LRMDA: variants seen among roughly 807,000 people sequenced by gnomAD.
The protein encoded by LRMDA is leucine-rich melanocyte differentiation-associated protein.
In LRMDA, 18 loss-of-function variants were observed where a neutral mutation model predicts 29.8. The observed-to-expected ratio is 0.60, with a 90% CI of 0.42 to 0.90. LRMDA has a LOEUF of 0.90. Ranked by LOEUF, LRMDA falls within the 40% of genes least tolerant of loss-of-function variation. The pLI, the probability that LRMDA is intolerant of heterozygous loss-of-function variation, is 0.00. For missense variants in LRMDA, 273 were observed against 273.9 expected (o/e 1.00, Z 0.02); for synonymous variants, 125 against 109.4 (o/e 1.14, Z -0.89).
At chr10:76,353,269 G>A (rs975104573) in intron 6 of LRMDA, among the ~76,000 whole-genome samples, 5 of 151,668 alleles carry the variant, frequency 3.3e-5, no homozygotes, top group African/African-American at 1.2e-4. Context: ...ACTTTTTTTG[G>A]GAATGGCCAG....
chr10:75,513,623 C>G (rs1298408411), intron 2 of LRMDA, among the ~76,000 whole-genome samples: 3 of 152,222 alleles, frequency 2.0e-5, no homozygotes, highest in Admixed American at 6.5e-5. Context: ...GCCCTCTTCC[C>G]TCTGGAGGCT....
chr10:76,455,664 G>A (rs1564546468), intron 6 of LRMDA, among the ~76,000 whole-genome samples: 1 of 152,168 alleles, frequency 6.6e-6, no homozygotes, highest in Non-Finnish European at 1.5e-5. Flanking sequence ...TGGGAGACAA[G>A]GCCTTACACA....
intron 5 of LRMDA, among the ~76,000 whole-genome samples, chr10:76,287,875 G>A (rs1840291861): frequency 6.6e-6 from 1 of 152,150 alleles, no homozygotes; most frequent in African/African-American, 2.4e-5. Flanking sequence ...TTGTTGTGCT[G>A]CACTACGTGG....
intron 2 of LRMDA, among the ~76,000 whole-genome samples, chr10:75,444,167 C>T (rs1258374876): frequency 6.6e-6 from 1 of 152,074 alleles, no homozygotes; most frequent in Non-Finnish European, 1.5e-5. Context: ...CATTATACGT[C>T]AGAGTCTTCT....
intron 2 of LRMDA, among the ~76,000 whole-genome samples, chr10:75,597,862 A>C (rs908832229): frequency 5.9e-5 from 9 of 152,118 alleles, no homozygotes; most frequent in Admixed American, 2.0e-4. Flanking sequence ...GTAGATTTAT[A>C]AGGCTTGAAA....
chr10:75,465,559 A>G (rs1321411077), intron 2 of LRMDA, among the ~76,000 whole-genome samples: 1 of 152,168 alleles, frequency 6.6e-6, no homozygotes, highest in Non-Finnish European at 1.5e-5. Context: ...TAGTATTTAG[A>G]AACATGTCGG....
At chr10:76,317,986 T>C (rs1840721383) in intron 5 of LRMDA, among the ~76,000 whole-genome samples, 1 of 152,236 alleles carries the variant, frequency 6.6e-6, no homozygotes, top group Non-Finnish European at 1.5e-5. Flanking sequence ...TAATGCTAGG[T>C]AATTAATATC....
intron 2 of LRMDA, among the ~76,000 whole-genome samples, chr10:75,848,919 G>A (rs549092330): frequency 3.9e-5 from 6 of 152,206 alleles, no homozygotes; most frequent in Middle Eastern, 3.4e-3. Context: ...CATCTGTGGG[G>A]GCAGTTCCCA....
chr10:76,415,106 C>T (rs1459906471), intron 6 of LRMDA, among the ~76,000 whole-genome samples: 2 of 152,220 alleles, frequency 1.3e-5, no homozygotes, highest in Admixed American at 1.3e-4. Context: ...TGTGTCTCTG[C>T]CTTTGTGGTA....
At chr10:75,870,885 T>C (rs773671499) in intron 2 of LRMDA, among the ~76,000 whole-genome samples, 29 of 152,182 alleles carry the variant, frequency 1.9e-4, no homozygotes, top group Admixed American at 9.2e-4. Context: ...ATCTTCTCTT[T>C]GCTGCTCTTC....
intron 2 of LRMDA, among the ~76,000 whole-genome samples, chr10:75,853,465 T>TGTGTGTGG (rs1554829932): frequency 6.8e-6 from 1 of 147,106 alleles, no homozygotes; most frequent in Non-Finnish European, 1.5e-5. Context: ...TGTGTGTGTG[T>TGTGTGTGG]GGTCACATGC....
chr10:75,631,526 A>C (rs1841323477), intron 2 of LRMDA, among the ~76,000 whole-genome samples: 1 of 152,032 alleles, frequency 6.6e-6, no homozygotes. Flanking sequence ...ATGGGGGGGA[A>C]ATACCCTCAC....
intron 2 of LRMDA, among the ~76,000 whole-genome samples, chr10:75,843,572 C>T (rs1265275726): frequency 1.3e-5 from 2 of 152,176 alleles, no homozygotes; most frequent in Non-Finnish European, 2.9e-5. Context: ...TTATCAGACA[C>T]TCAGCTGTGA....
intron 2 of LRMDA, among the ~76,000 whole-genome samples, chr10:75,795,172 G>T (rs1589207515): frequency 6.6e-6 from 1 of 152,096 alleles, no homozygotes; most frequent in Non-Finnish European, 1.5e-5. Context: ...GAGGCAGGTG[G>T]ATCACGAGGT....
At chr10:75,935,587 A>C (rs1846276340) in intron 2 of LRMDA, among the ~76,000 whole-genome samples, 1 of 152,220 alleles carries the variant, frequency 6.6e-6, no homozygotes, top group Admixed American at 6.5e-5. Context: ...CAATACGTTA[A>C]GCCTGCAAAG....
At chr10:76,263,213 T>C (rs1440065634) in intron 5 of LRMDA, among the ~76,000 whole-genome samples, 7 of 152,172 alleles carry the variant, frequency 4.6e-5, no homozygotes, top group Non-Finnish European at 1.0e-4. Flanking sequence ...TTGTTTCTGA[T>C]GAAGTGTTTC....
At chr10:75,931,527 A>G (rs1356524126) in intron 2 of LRMDA, among the ~76,000 whole-genome samples, 1 of 152,212 alleles carries the variant, frequency 6.6e-6, no homozygotes, top group East Asian at 1.9e-4. Context: ...TGGTCCCTCA[A>G]TAGAAGATGG....
intron 2 of LRMDA, among the ~76,000 whole-genome samples, chr10:75,493,500 G>A (rs980837782): frequency 1.3e-5 from 2 of 152,078 alleles, no homozygotes; most frequent in African/African-American, 2.4e-5. Flanking sequence ...CACACAGGAT[G>A]GGCCACCACG....
chr10:75,582,492 T>C (rs1056689543), intron 2 of LRMDA, among the ~76,000 whole-genome samples: 4 of 152,156 alleles, frequency 2.6e-5, no homozygotes, highest in Non-Finnish European at 5.9e-5. Flanking sequence ...GTGGCTGGGA[T>C]ACAGGGAGCA....
Sources: gnomAD v4.1 joint callset for allele counts (sites outside exome capture counted in the v4.1 genomes callset) on GRCh38, gnomAD v4.1.1 for gene constraint, MANE v1.5 for transcripts, NCBI Gene and HGNC (gene_info 2026-07-23, HGNC 2026-07-21) for gene names.